The following FER1L6 variants were observed in gnomAD, a reference collection of about 807,000 sequenced individuals.
FER1L6 encodes fer-1-like protein 6.
Under a neutral mutation model 219.2 loss-of-function variants are expected in FER1L6, and 177 were observed. The ratio of observed to expected loss-of-function variants is 0.81; its 90% CI spans 0.71 to 0.91. The LOEUF (loss-of-function observed/expected upper bound fraction) is 0.91. FER1L6 is among the 40% of genes least tolerant of loss of function. FER1L6 has a pLI of 0.00. For synonymous variants in FER1L6, 768 were observed against 824.3 expected, an observed-to-expected ratio of 0.93 and a Z score of 1.17; for missense variants, 2,153 against 2,259.9, an observed-to-expected ratio of 0.95 and a Z score of 0.96.
chr8:123,900,473 A>G (rs186178650), intron 1 of FER1L6, among the ~76,000 whole-genome samples: 42 of 152,160 alleles, frequency 2.8e-4, no homozygotes, highest in African/African-American at 9.2e-4. Context: ...ATGGGTTTGG[A>G]TGCCCTTTAT....
At chr8:124,017,881 A>T (rs187858950) in intron 16 of FER1L6, among the ~76,000 whole-genome samples, 163 bp downstream of exon 16, 13 of 152,330 alleles carry the variant, frequency 8.5e-5, no homozygotes, top group Admixed American at 8.5e-4. Context: ...GAAAGAAATG[A>T]ACATTTATTG....
At chr8:123,875,565 A>G (rs1816993284) in intron 1 of FER1L6, among the ~76,000 whole-genome samples, 2 of 152,144 alleles carry the variant, frequency 1.3e-5, no homozygotes, top group African/African-American at 2.4e-5. Context: ...TTATATCTGT[A>G]CCCTGGGCCT....
chr8:124,056,231 T>G (rs1438798643), intron 22 of FER1L6, among the ~76,000 whole-genome samples: 3 of 152,216 alleles, frequency 2.0e-5, no homozygotes, highest in Non-Finnish European at 4.4e-5. Flanking sequence ...CACTTCCCAA[T>G]TCCTAGAAAT....
chr8:124,078,392 A>T (rs1268842737), intron 32 of FER1L6, among the ~76,000 whole-genome samples: 1 of 152,144 alleles, frequency 6.6e-6, no homozygotes, highest in African/African-American at 2.4e-5. Flanking sequence ...ATAAAGCAAA[A>T]TGATGAGATC....
intron 1 of FER1L6, among the ~76,000 whole-genome samples, chr8:123,877,242 T>C (rs1015833415): frequency 1.3e-5 from 2 of 152,262 alleles, no homozygotes; most frequent in East Asian, 3.8e-4. Context: ...TGCTGATTCA[T>C]CAGATTTGTC....
In FER1L6 at chr8:123,980,711, A is replaced by C; in HGVS notation, c.1310A>C (p.Lys437Thr). 1 of 1,614,184 alleles carries C rather than the reference A, an allele frequency of 6.2e-7. No homozygotes were observed. The highest frequency in any genetic ancestry group is 8.5e-7 in the Non-Finnish European group (1 of 1,180,026). ...AAAGACTCCAAATCTTCCAAAGGTAAAGACAAGGCTGACAAAACTGAAGAT... is the reference window on the plus strand; with the variant it reads ...AAAGACTCCAAATCTTCCAAAGGTACAGACAAGGCTGACAAAACTGAAGAT... Reference protein sequence around the residue: ...KDKDSKSSKGKDKADKTEDGK... With the variant: ...KDKDSKSSKGTDKADKTEDGK... The change falls in exon 11 of 41, where the codon AAA (lysine) becomes ACA (threonine). Residue 437 changes from lysine (K) to threonine (T), a missense_variant. By Grantham distance (78) the Lys-to-Thr change is moderately conservative (BLOSUM62 -1). Coordinates refer to ENST00000522917, the MANE Select transcript of FER1L6 (RefSeq NM_001039112.2).
intron 1 of FER1L6, among the ~76,000 whole-genome samples, chr8:123,892,797 T>A (rs1430562430): frequency 6.6e-6 from 1 of 152,230 alleles, no homozygotes; most frequent in Non-Finnish European, 1.5e-5. Context: ...AATTTCAAGT[T>A]CTAAATTTAG....
chr8:123,895,958 G>A (rs986654882), intron 1 of FER1L6, among the ~76,000 whole-genome samples: 2 of 152,144 alleles, frequency 1.3e-5, no homozygotes, highest in African/African-American at 4.8e-5. Context: ...TATTGATACC[G>A]GGTTCAAAGG....
At chr8:123,994,255 C>T (rs1172996657) in intron 12 of FER1L6, among the ~76,000 whole-genome samples, 3 of 152,080 alleles carry the variant, frequency 2.0e-5, no homozygotes, top group Admixed American at 2.0e-4. Context: ...GTTATGTTAT[C>T]AGTGTGGGTG....
chr8:123,948,779 CTT>C (rs71576718), intron 1 of FER1L6, among the ~76,000 whole-genome samples: 1 of 143,528 alleles, frequency 7.0e-6, no homozygotes, highest in Non-Finnish European at 1.5e-5. Flanking sequence ...GGCATCTTGT[CTT>C]TTTTTTTTTT....
chr8:123,955,939 C>T (rs1814994384), intron 1 of FER1L6, 53 bp from the exon 2 acceptor site: 1 of 1,509,698 alleles, frequency 6.6e-7, no homozygotes, highest in Admixed American at 2.0e-5. Flanking sequence ...CTTCTCCTAA[C>T]ACGTCTAAAT....
chr8:124,063,305 C>CATTTTTT (rs1309146289), intron 25 of FER1L6, among the ~76,000 whole-genome samples: 4 of 152,164 alleles, frequency 2.6e-5, no homozygotes, highest in Non-Finnish European at 5.9e-5. Flanking sequence ...GAGATATACT[C>CATTTTTT]AGACCCCTCC....
chr8:123,950,799 C>T (rs1462859036), intron 1 of FER1L6, among the ~76,000 whole-genome samples: 4 of 152,176 alleles, frequency 2.6e-5, no homozygotes, highest in Non-Finnish European at 4.4e-5. Context: ...AACTGCCTCC[C>T]GTGAGACTGG....
chr8:123,920,389 A>T (rs1813325018), intron 1 of FER1L6, among the ~76,000 whole-genome samples: 1 of 152,228 alleles, frequency 6.6e-6, no homozygotes, highest in South Asian at 2.1e-4. Context: ...CTAGCCTCTG[A>T]GGGTCATAGT....
chr8:124,032,026 A>G (rs1818990033), intron 18 of FER1L6, among the ~76,000 whole-genome samples: 1 of 152,252 alleles, frequency 6.6e-6, no homozygotes, highest in Non-Finnish European at 1.5e-5. Context: ...TTCACAAGAC[A>G]TTAGCTGAGT....
intron 34 of FER1L6, among the ~76,000 whole-genome samples, chr8:124,093,821 G>A (rs1294664238): frequency 1.3e-5 from 2 of 150,902 alleles, no homozygotes; most frequent in Non-Finnish European, 3.0e-5. Context: ...AATTTTTGTG[G>A]GTACATAATA....
intron 15 of FER1L6, among the ~76,000 whole-genome samples, chr8:124,014,804 C>T (rs575071249): frequency 1.3e-5 from 2 of 152,092 alleles, no homozygotes; most frequent in South Asian, 4.2e-4. Context: ...CAAATTTCCC[C>T]AAAACTCAGT....
At position 123,970,187 on chromosome 8, in the gene FER1L6, G is replaced by A. The variant is rs1040813171; in HGVS notation, c.447+90G>A. Reference sequence around the variant, plus strand: ...TCTGGGACAACTCAGCATACTTAGCGGGGAATAGATTCAGGAGGGCAAGTG... The same window carrying A: ...TCTGGGACAACTCAGCATACTTAGCAGGGAATAGATTCAGGAGGGCAAGTG... On this transcript the variant is annotated intron_variant, in intron 6 of 40. Transcript: ENST00000522917. 21 of 1,172,080 alleles carry A rather than the reference G, an allele frequency of 1.8e-5. No individual in the cohort carries two copies. In the Middle Eastern group the frequency reaches 5.8e-4, roughly 32 times the overall value. 72.6% of individuals were successfully genotyped at this position (1,172,080 alleles called of 1,614,324 possible).
At chr8:123,885,642 A>G (rs1817187658) in intron 1 of FER1L6, among the ~76,000 whole-genome samples, 1 of 152,196 alleles carries the variant, frequency 6.6e-6, no homozygotes, top group African/African-American at 2.4e-5. Flanking sequence ...AAGCTGTTCA[A>G]TGTCACACAG....
Sources: gnomAD v4.1 joint callset for allele counts (sites outside exome capture counted in the v4.1 genomes callset) on GRCh38, gnomAD v4.1.1 for gene constraint, MANE v1.5 for transcripts, NCBI Gene and HGNC (gene_info 2026-07-23, HGNC 2026-07-21) for gene names.